COL24A1: variants seen among roughly 807,000 people sequenced by gnomAD.
COL24A1 encodes the protein collagen alpha-1(XXIV) chain.
A neutral mutation model predicts 253.9 loss-of-function variants in COL24A1; 224 were observed. The ratio of observed to expected loss-of-function variants is 0.88; its 90% confidence interval spans 0.79 to 0.99. The LOEUF is 0.99. COL24A1 is among the 50% of genes least tolerant of loss of function. The pLI, the probability that COL24A1 is intolerant of heterozygous loss-of-function variation, is 0.00. For missense variants in COL24A1, 2,131 were observed against 2,068.5 expected (o/e 1.03, Z -0.59); for synonymous variants, 685 against 673.7 (o/e 1.02, Z -0.26).
chr1:85,933,665 A>G (rs1005587120), intron 24 of COL24A1, among the ~76,000 whole-genome samples: 2 of 152,194 alleles, frequency 1.3e-5, no homozygotes, highest in African/African-American at 4.8e-5. Flanking sequence ...CATATATGCT[A>G]GTGAGAATCA....
chr1:85,875,946 A>G (rs11161697), intron 33 of COL24A1, among the ~76,000 whole-genome samples: 119,345 of 151,882 alleles, frequency 0.79, 47,259 homozygotes, highest in Non-Finnish European at 0.84. Context: ...CCTTATTTAT[A>G]AACATGCTAT....
At chr1:86,002,674 C>T (rs1163566148) in intron 19 of COL24A1, among the ~76,000 whole-genome samples, 2 of 152,082 alleles carry the variant, frequency 1.3e-5, no homozygotes, top group African/African-American at 4.8e-5. Flanking sequence ...ATGGCTAGTA[C>T]AATAGAGAAT....
At chr1:86,129,348 C>T (rs893353767) in intron 2 of COL24A1, among the ~76,000 whole-genome samples, 2 of 151,372 alleles carry the variant, frequency 1.3e-5, no homozygotes, top group Non-Finnish European at 3.0e-5. Flanking sequence ...CATTATTGGT[C>T]ATTTCAAATG....
intron 53 of COL24A1, among the ~76,000 whole-genome samples, chr1:85,766,562 G>C (rs2101187057): frequency 6.6e-6 from 1 of 151,970 alleles, no homozygotes; most frequent in South Asian, 2.1e-4. Context: ...ACCTACTTGG[G>C]ATCAATACTA....
At position 86,022,283 on chromosome 1, in the gene COL24A1, C is replaced by G. The variant is rs767571746; in HGVS notation, c.2213G>C (p.Gly738Ala). The G allele has an allele frequency of 1.2e-6, 2 of 1,602,616 alleles. No homozygotes were observed. Among genetic ancestry groups the G allele is most frequent in the Non-Finnish European group, 1.7e-6 (2 of 1,176,782 alleles). The stretch of plus-strand genomic sequence containing the variant: ...TCTCATCCCTGGTGGTCCTGGTAAA[C>G]CAACAGCACCCTAAGAGAAGAGAAT... Reference protein sequence around the residue: ...PGYPGDKGAVGLPGPPGMRGK... With the variant: ...PGYPGDKGAVALPGPPGMRGK... The change falls in exon 18 of 60, where the codon GGT becomes GCT. Residue 738 changes from glycine (G) to alanine (A), a missense_variant. Coordinates refer to ENST00000370571, the MANE Select transcript of COL24A1 (RefSeq NM_152890.7).
At chr1:85,878,111 T>C (rs1052809600) in intron 32 of COL24A1, among the ~76,000 whole-genome samples, 3 of 152,206 alleles carry the variant, frequency 2.0e-5, no homozygotes, top group Admixed American at 2.0e-4. Flanking sequence ...CCACAGTTTG[T>C]TTATCCATTT....
At chr1:85,835,240 T>C (rs933608290) in intron 43 of COL24A1, among the ~76,000 whole-genome samples, 12 of 152,152 alleles carry the variant, frequency 7.9e-5, no homozygotes, top group Admixed American at 7.9e-4. Context: ...CAAGTGTTTC[T>C]CCTGCCTCAG....
chr1:85,803,556 T>C (rs1671661076), intron 47 of COL24A1, among the ~76,000 whole-genome samples: 1 of 151,294 alleles, frequency 6.6e-6, no homozygotes, highest in Non-Finnish European at 1.5e-5. Context: ...CCCTCAGCAA[T>C]GTTTTATAGT....
At chr1:85,744,278 TA>T (rs971299123) in intron 57 of COL24A1, among the ~76,000 whole-genome samples, 2 of 151,928 alleles carry the variant, frequency 1.3e-5, no homozygotes, top group Non-Finnish European at 2.9e-5. Context: ...CATTTTGTAT[TA>T]AAAAAAACCC....
chr1:86,006,137 T>G (rs1196049251), intron 19 of COL24A1, among the ~76,000 whole-genome samples: 1 of 152,152 alleles, frequency 6.6e-6, no homozygotes, highest in Non-Finnish European at 1.5e-5. Context: ...ATCCCATAAG[T>G]TATTTGTGGA....
intron 47 of COL24A1, among the ~76,000 whole-genome samples, chr1:85,793,829 T>C (rs1670546654): frequency 1.3e-5 from 2 of 152,144 alleles, no homozygotes; most frequent in South Asian, 2.1e-4. Flanking sequence ...ATAGGTGTTA[T>C]ACCAATGACC....
intron 47 of COL24A1, 41 bp downstream of exon 47, chr1:85,816,747 G>C (rs773800818): frequency 2.0e-6 from 3 of 1,506,104 alleles, no homozygotes; most frequent in Middle Eastern, 1.7e-4. Flanking sequence ...GGAGACACAT[G>C]CATAGGAAAT....
At chr1:86,096,373 T>C (rs1703892100) in intron 5 of COL24A1, among the ~76,000 whole-genome samples, 1 of 152,176 alleles carries the variant, frequency 6.6e-6, no homozygotes, top group African/African-American at 2.4e-5. Flanking sequence ...GGTAGCATCA[T>C]TTGGATATTC....
At chr1:86,021,415 C>T (rs142575446) in intron 18 of COL24A1, among the ~76,000 whole-genome samples, 50 of 152,196 alleles carry the variant, frequency 3.3e-4, no homozygotes, top group Admixed American at 7.9e-4. Flanking sequence ...AACGCATGAG[C>T]TCTGACATAC....
chr1:85,794,820 C>T (rs1367148792), intron 47 of COL24A1, among the ~76,000 whole-genome samples: 1 of 152,050 alleles, frequency 6.6e-6, no homozygotes, highest in Non-Finnish European at 1.5e-5. Context: ...GAACAGCTTA[C>T]ATGTGTATTA....
chr1:85,865,655 G>C (rs545114094), intron 37 of COL24A1, among the ~76,000 whole-genome samples: 1 of 152,004 alleles, frequency 6.6e-6, no homozygotes, highest in Admixed American at 6.6e-5. Context: ...TCTTAATTCT[G>C]TTTTTTCCCT....
intron 47 of COL24A1, among the ~76,000 whole-genome samples, chr1:85,798,525 A>G (rs1268435049): frequency 6.6e-6 from 1 of 152,178 alleles, no homozygotes; most frequent in Non-Finnish European, 1.5e-5. Flanking sequence ...TGTGAAGAAA[A>G]AAGTGTATCT....
chr1:85,739,188 A>G (rs1664355437), intron 57 of COL24A1, among the ~76,000 whole-genome samples: 1 of 152,210 alleles, frequency 6.6e-6, no homozygotes, highest in Admixed American at 6.5e-5. Flanking sequence ...GAGTAAACAT[A>G]TATCTTCTTT....
At chr1:85,997,055 G>GTGTGTGTGTGTGTGTATATATATATA in intron 19 of COL24A1, among the ~76,000 whole-genome samples, 44 of 95,084 alleles carry the variant, frequency 4.6e-4, no homozygotes, top group Non-Finnish European at 9.3e-4. Flanking sequence ...GTGTGTGTGT[G>GTGTGTGTGTGTGTGTATATATATATA]TATATATATA....
Sources: gnomAD v4.1 joint callset for allele counts (sites outside exome capture counted in the v4.1 genomes callset) on GRCh38, gnomAD v4.1.1 for gene constraint, MANE v1.5 for transcripts, NCBI Gene and HGNC (gene_info 2026-07-23, HGNC 2026-07-21) for gene names.